MCC: variants seen among roughly 807,000 people sequenced by gnomAD.
MCC encodes MCC regulator of Wnt signaling pathway, also known as colorectal mutant cancer protein.
A neutral mutation model predicts 116.2 loss-of-function variants in MCC; 90 were observed. The ratio of observed to expected loss-of-function variants is 0.77; its 90% confidence interval spans 0.65 to 0.92. The LOEUF is 0.92. Ranked by LOEUF, MCC falls within the 40% of genes least tolerant of loss-of-function variation. The probability of loss-of-function intolerance (pLI) is 0.00; values close to 1 mark genes in which losing one functional copy is unlikely to be tolerated. For synonymous variants in MCC, 578 were observed against 510.5 expected (o/e 1.13, Z -1.78); for missense variants, 1,516 against 1,312.2 (o/e 1.16, Z -2.40).
chr5:113,430,928 G>A (rs1425243629), intron 1 of MCC, among the ~76,000 whole-genome samples: 1 of 152,198 alleles, frequency 6.6e-6, no homozygotes, highest in Admixed American at 6.5e-5. Context: ...GGCACATGGA[G>A]AATGGAAAGG....
intron 3 of MCC, among the ~76,000 whole-genome samples, chr5:113,267,381 G>C (rs978992902): frequency 5.9e-5 from 9 of 152,078 alleles, no homozygotes; most frequent in Non-Finnish European, 1.2e-4. Flanking sequence ...TCTTCAGTGA[G>C]GTATGTTGTA....
intron 3 of MCC, among the ~76,000 whole-genome samples, chr5:113,256,614 G>GCATTTACTTGAAA (rs1561488954): frequency 6.6e-6 from 1 of 151,806 alleles, no homozygotes; most frequent in African/African-American, 2.4e-5. Flanking sequence ...GTAGACAGCT[G>GCATTTACTTGAAA]TAGCATTTAC....
chr5:113,120,018 T>C (rs181966089), intron 6 of MCC, among the ~76,000 whole-genome samples: 19 of 152,366 alleles, frequency 1.2e-4, no homozygotes, highest in Admixed American at 5.9e-4. Flanking sequence ...CCCAAACTTA[T>C]TTAATTATGG....
At chr5:113,265,423 C>T (rs1353189429) in intron 3 of MCC, among the ~76,000 whole-genome samples, 1 of 152,116 alleles carries the variant, frequency 6.6e-6, no homozygotes. Flanking sequence ...AAGGGTAGAG[C>T]AGCTTTCTCT....
At chr5:113,270,438 C>G (rs1765569344) in intron 3 of MCC, among the ~76,000 whole-genome samples, 1 of 77,910 alleles carries the variant, frequency 1.3e-5, no homozygotes, top group Non-Finnish European at 3.1e-5. Context: ...CAAATTCATT[C>G]AAGTTTTTAG....
chr5:113,260,752 G>C (rs996205026), intron 3 of MCC, among the ~76,000 whole-genome samples: 1 of 149,312 alleles, frequency 6.7e-6, no homozygotes, highest in Non-Finnish European at 1.5e-5. Context: ...TTTTTTTTTA[G>C]AAAATATCCC....
chr5:113,170,857 G>C (rs1004565170), intron 3 of MCC, among the ~76,000 whole-genome samples: 5 of 152,104 alleles, frequency 3.3e-5, no homozygotes, highest in African/African-American at 1.2e-4. Flanking sequence ...CTTGAAATCT[G>C]AGAGTCAGAT....
At chr5:113,327,561 A>AAAAATATATAT (rs1480996383) in intron 3 of MCC, among the ~76,000 whole-genome samples, 39 of 80,540 alleles carry the variant, frequency 4.8e-4, no homozygotes, top group African/African-American at 1.7e-3. Context: ...AAAAAAAAAA[A>AAAAATATATAT]ATATATATAT....
chr5:113,049,314 G>A lies in MCC; in HGVS notation c.2449-15C>T, dbSNP rs766392547. On this transcript the variant is annotated splice_polypyrimidine_tract_variant and intron_variant, in intron 15 of 18. Transcript: ENST00000408903. ...GCCATCTCCTCCTACAGACAAAGGA[G>A]CACAGAGCACATGAGGCATGCCCTA... The A allele has an allele frequency of 6.4e-7, 1 of 1,552,986 alleles. No homozygotes were observed.
intron 1 of MCC, among the ~76,000 whole-genome samples, chr5:113,450,041 TG>T (rs1771344403): frequency 6.6e-6 from 1 of 152,222 alleles, no homozygotes; most frequent in Admixed American, 6.5e-5. Context: ...TATTTTACAC[TG>T]CAAATAATTT....
At chr5:113,050,648 G>C (rs1320441004) in intron 15 of MCC, among the ~76,000 whole-genome samples, 2 of 152,258 alleles carry the variant, frequency 1.3e-5, no homozygotes, top group African/African-American at 4.8e-5. Flanking sequence ...TTGGAAGCAG[G>C]ATTCTGAAGG....
chr5:113,107,208 C>CTTTTTTTTTTTT (rs746820475), intron 6 of MCC, among the ~76,000 whole-genome samples: 1 of 125,068 alleles, frequency 8.0e-6, no homozygotes, highest in Non-Finnish European at 1.6e-5. Flanking sequence ...GCATGTTTTT[C>CTTTTTTTTTTTT]TTTTTTTTTT....
chr5:113,080,357 T>G (rs1484739210), intron 11 of MCC, among the ~76,000 whole-genome samples: 2 of 152,248 alleles, frequency 1.3e-5, no homozygotes, highest in African/African-American at 4.8e-5. Context: ...TGCACATGTA[T>G]GTTTATTATG....
At chr5:113,385,777 T>G (rs1045845800) in intron 1 of MCC, among the ~76,000 whole-genome samples, 15 of 152,166 alleles carry the variant, frequency 9.9e-5, no homozygotes, top group African/African-American at 3.6e-4. Flanking sequence ...TTTGAGTATT[T>G]TCCACCTTCC....
intron 3 of MCC, among the ~76,000 whole-genome samples, chr5:113,309,356 A>G (rs1767080619): frequency 6.6e-6 from 1 of 151,682 alleles, no homozygotes. Flanking sequence ...ACCCTCCCCC[A>G]CTGAGTCTCC....
chr5:113,056,407 G>A lies in MCC; in HGVS notation c.2214-2448C>T, dbSNP rs148122920. On this transcript the variant is annotated intron_variant, in intron 14 of 18. Transcript: ENST00000408903. ...CTATGTAGCCATAAAAAAAGAATGA[G>A]GTCATGTCATTTGCAGAAACATGGA... 2.0e-5 allele frequency among the ~76,000 whole-genome samples: 3 copies of A among 152,272 alleles called. No individual in the cohort carries two copies. In the South Asian group the frequency reaches 6.2e-4, roughly 32 times the overall value.
Position 113,391,519 on chromosome 5 carries a change from A to G in MCC, c.171-6307T>C, listed in dbSNP as rs544973114. On this transcript the variant is annotated intron_variant, in intron 1 of 18. Transcript: ENST00000408903. ...CACTTGAAGCCAGGAGTTCGAAACT[A>G]GCCCGGGCAACAAAGTGAGACATTG... Among the ~76,000 whole-genome samples, 4 of 152,266 alleles carry G rather than the reference A, an allele frequency of 2.6e-5. No individual in the cohort carries two copies. In the East Asian group the frequency reaches 5.8e-4, roughly 22 times the overall value.
intron 1 of MCC, among the ~76,000 whole-genome samples, chr5:113,394,287 T>A (rs77732472): frequency 6.6e-6 from 1 of 152,290 alleles, no homozygotes; most frequent in African/African-American, 2.4e-5. Context: ...GTCCTGATCA[T>A]CCCTACCTCT....
At chr5:113,160,237 A>G (rs1481596784) in intron 3 of MCC, among the ~76,000 whole-genome samples, 5 of 152,190 alleles carry the variant, frequency 3.3e-5, no homozygotes, top group South Asian at 2.1e-4. Flanking sequence ...CCTTCTTCAA[A>G]TAAATGGTTA....
Sources: gnomAD v4.1 joint callset for allele counts (sites outside exome capture counted in the v4.1 genomes callset) on GRCh38, gnomAD v4.1.1 for gene constraint, MANE v1.5 for transcripts, NCBI Gene and HGNC (gene_info 2026-07-23, HGNC 2026-07-21) for gene names.